The following ANO3 variants were observed in gnomAD, a reference collection of about 807,000 sequenced individuals.
ANO3 encodes anoctamin-3.
A neutral mutation model predicts 144.8 loss-of-function variants in ANO3; 99 were observed. The observed-to-expected ratio is 0.68, with a 90% CI of 0.58 to 0.81. ANO3 has a LOEUF of 0.81. Ranked by LOEUF, ANO3 falls within the 30% of genes least tolerant of loss-of-function variation. The pLI is 0.00. For synonymous variants in ANO3, 414 were observed against 392.6 expected (o/e 1.05, Z -0.64); for missense variants, 905 against 1,202.2 (o/e 0.75, Z 3.66).
intron 1 of ANO3, among the ~76,000 whole-genome samples, chr11:26,336,627 C>T (rs2133894127): frequency 6.6e-6 from 1 of 152,278 alleles, no homozygotes; most frequent in East Asian, 1.9e-4. Context: ...GAAGGACAAT[C>T]CTGGGAAAAA....
At chr11:26,618,706 C>A (rs114334083) in intron 17 of ANO3, among the ~76,000 whole-genome samples, 1,685 of 152,254 alleles carry the variant, frequency 0.011, 42 homozygotes, top group African/African-American at 0.038. Context: ...AATCACCCTG[C>A]ACTCCAACCT....
intron 1 of ANO3, among the ~76,000 whole-genome samples, chr11:26,362,305 C>G (rs1285651031): frequency 1.3e-5 from 2 of 152,130 alleles, no homozygotes; most frequent in African/African-American, 2.4e-5. Context: ...TGTATATTAT[C>G]TGTAATTCTC....
intron 1 of ANO3, among the ~76,000 whole-genome samples, chr11:26,302,562 ATAAAC>A (rs1159948438): frequency 6.6e-6 from 1 of 152,188 alleles, no homozygotes; most frequent in Non-Finnish European, 1.5e-5. Flanking sequence ...ATTTCAGTGA[ATAAAC>A]TAACGGCCTT....
intron 8 of ANO3, among the ~76,000 whole-genome samples, chr11:26,532,116 A>T (rs138497617): frequency 1.2e-4 from 18 of 152,352 alleles, no homozygotes; most frequent in African/African-American, 3.8e-4. Context: ...GGAAGTTGAA[A>T]GGGTGGATGA....
At chr11:26,652,284 CT>C (rs1258211331) in intron 24 of ANO3, among the ~76,000 whole-genome samples, 7 of 152,184 alleles carry the variant, frequency 4.6e-5, no homozygotes, top group Non-Finnish European at 1.0e-4. Context: ...TTTGTCATAG[CT>C]TCTCCTTGCT....
chr11:26,494,799 C>T (rs955506783), intron 4 of ANO3, among the ~76,000 whole-genome samples: 1 of 152,142 alleles, frequency 6.6e-6, no homozygotes, highest in Non-Finnish European at 1.5e-5. Context: ...TAAGGGAGGA[C>T]ACACGTGAGC....
In ANO3 at chr11:26,547,557, T is replaced by A. The variant is rs772976097; in HGVS notation, c.1289+7T>A. 4.3e-6 allele frequency: 7 copies of A among 1,610,768 alleles called. No individual in the cohort carries two copies. The highest frequency in any genetic ancestry group is 1.7e-4 in the Middle Eastern group (1 of 6,022). On this transcript the variant is annotated splice_region_variant and intron_variant, in intron 12 of 26. Coordinates refer to ENST00000256737, the MANE Select transcript of ANO3 (RefSeq NM_031418.4). Reference sequence around the variant, plus strand: ...TGAATAATAGTCAAGTAAGGTAGGCTATTAAGAGACCTATTAAAAATATTT... The same window carrying A: ...TGAATAATAGTCAAGTAAGGTAGGCAATTAAGAGACCTATTAAAAATATTT...
At position 26,508,177 on chromosome 11, in the gene ANO3, T is replaced by C. The variant is rs1861510747; in HGVS notation, c.506T>C (p.Val169Ala). 1 of 1,605,984 alleles carries C rather than the reference T, an allele frequency of 6.2e-7. No individual in the cohort carries two copies. The highest frequency in any genetic ancestry group is 8.5e-7 in the Non-Finnish European group (1 of 1,177,558). The change falls in exon 5 of 27, where the codon GTT becomes GCT. Residue 169 changes from valine to alanine, a missense_variant. Around this residue, in one of 4 missense-constraint regions of ANO3, gnomAD observed 63 missense variants for 107.3 expected, o/e 0.59. Coordinates refer to ENST00000256737, the MANE Select transcript of ANO3 (RefSeq NM_031418.4). ...DGKKRIDYILVYRKTNIQYDK... is the reference protein window; with the variant it reads ...DGKKRIDYILAYRKTNIQYDK... ...AAAAAGAGAATTGATTACATCTTGGTTTATAGAAAGACAAATATACAATAT... is the reference window on the plus strand; with the variant it reads ...AAAAAGAGAATTGATTACATCTTGGCTTATAGAAAGACAAATATACAATAT...
chr11:26,634,947 T>A, intron 19 of ANO3, 66 bp from the exon 20 acceptor site: 6 of 1,332,450 alleles, frequency 4.5e-6, no homozygotes, highest in Non-Finnish European at 6.5e-6. Flanking sequence ...CTCGTTGTGA[T>A]GCCTAAGTAG....
rs116805323 is a variant in ANO3 at position 26,450,801 on chromosome 11, C to T, written c.313+6965C>T. ...TAAAATTCTCCAGGAAGTATAGCAT[C>T]GATTTTCAAATGCTGAAACAATGCA... On this transcript the variant is annotated intron_variant, in intron 3 of 26. Transcript: ENST00000256737. Among the ~76,000 whole-genome samples, 1,434 of 152,160 alleles carry T rather than the reference C, an allele frequency of 9.4e-3. 10 individuals are homozygous for T. Among genetic ancestry groups the T allele is most frequent in the African/African-American group, 0.032 (1,334 of 41,504 alleles).
chr11:26,473,891 T>C, intron 4 of ANO3: 3 of 974,866 alleles, frequency 3.1e-6, no homozygotes, highest in African/African-American at 1.8e-5. Context: ...AGATGAGTTA[T>C]CTTTAAAAAA....
intron 1 of ANO3, among the ~76,000 whole-genome samples, chr11:26,226,664 G>A (rs901816077): frequency 7.2e-5 from 11 of 151,928 alleles, no homozygotes; most frequent in African/African-American, 2.4e-4. Context: ...CATTAAGTGG[G>A]TGATGTTTAT....
chr11:26,588,788 CT>C (rs1310662740), intron 14 of ANO3, among the ~76,000 whole-genome samples: 1 of 152,060 alleles, frequency 6.6e-6, no homozygotes, highest in Non-Finnish European at 1.5e-5. Flanking sequence ...AATATTGTAC[CT>C]TTTTTTCAGT....
intron 20 of ANO3, among the ~76,000 whole-genome samples, chr11:26,637,878 A>G (rs1195182447): frequency 2.0e-5 from 3 of 152,314 alleles, no homozygotes; most frequent in East Asian, 3.9e-4. Flanking sequence ...TGAGCAGGAC[A>G]TGTACCCATT....
intron 17 of ANO3, among the ~76,000 whole-genome samples, chr11:26,623,938 C>A (rs1013549840): frequency 2.0e-5 from 3 of 152,136 alleles, no homozygotes; most frequent in Non-Finnish European, 4.4e-5. Flanking sequence ...AGGCGCCCGC[C>A]AACGTGCCCG....
chr11:26,343,126 C>T (rs1334981254), intron 1 of ANO3, among the ~76,000 whole-genome samples: 1 of 152,144 alleles, frequency 6.6e-6, no homozygotes, highest in Non-Finnish European at 1.5e-5. Flanking sequence ...ACCAATAGCT[C>T]CACATGCCCC....
At chr11:26,415,415 G>T (rs76872468) in intron 1 of ANO3, among the ~76,000 whole-genome samples, 34 of 152,008 alleles carry the variant, frequency 2.2e-4, no homozygotes, top group African/African-American at 8.2e-4. Context: ...ACTGCAAAGG[G>T]CCTATAATTT....
chr11:26,380,176 T>C lies in ANO3; in HGVS notation c.46+47855T>C, dbSNP rs143302112. ...TCAGAATTGTGGGTACATCTATTAT[T>C]GGTTGTTATTATAGGTAAAGCAATT... is the stretch of plus-strand genomic sequence containing the variant. On this transcript the variant is annotated intron_variant, in intron 1 of 26. Coordinates refer to ENST00000256737, the MANE Select transcript of ANO3 (RefSeq NM_031418.4). Among the ~76,000 whole-genome samples, 888 of 152,278 alleles carry C rather than the reference T, an allele frequency of 5.8e-3. 10 individuals carry two copies. The highest frequency in any genetic ancestry group is 7.1e-3 in the Non-Finnish European group (482 of 68,020).
intron 1 of ANO3, among the ~76,000 whole-genome samples, chr11:26,404,469 T>C (rs1590331766): frequency 1.3e-5 from 2 of 151,818 alleles, no homozygotes; most frequent in East Asian, 3.9e-4. Context: ...TTCTTTATAT[T>C]TGATTCCATT....
Sources: gnomAD v4.1 joint callset for allele counts (sites outside exome capture counted in the v4.1 genomes callset) on GRCh38, gnomAD v4.1.1 for gene constraint, gnomAD v4.1.1 regional missense constraint, MANE v1.5 for transcripts, NCBI Gene and HGNC (gene_info 2026-07-23, HGNC 2026-07-21) for gene names.